PTPRK: variants seen among roughly 807,000 people sequenced by gnomAD.
The protein encoded by PTPRK is protein tyrosine phosphatase receptor type K.
In PTPRK, 75 loss-of-function variants were observed where a neutral mutation model predicts 178.0. The observed-to-expected ratio is 0.42, with a 90% confidence interval of 0.35 to 0.51. The LOEUF (loss-of-function observed/expected upper bound fraction) is 0.51, where lower values mean the gene tolerates loss of function less well. Ranked by LOEUF, PTPRK falls within the 20% of genes least tolerant of loss-of-function variation. The pLI is 0.02. For synonymous variants in PTPRK, 637 were observed against 620.6 expected (o/e 1.03, Z -0.39); for missense variants, 1,441 against 1,797.8 (o/e 0.80, Z 3.59).
intron 2 of PTPRK, among the ~76,000 whole-genome samples, chr6:128,375,061 T>TC (rs1836840446): frequency 1.2e-5 from 1 of 83,986 alleles, no homozygotes; most frequent in Non-Finnish European, 2.4e-5. Context: ...AACACTGCAT[T>TC]ATTATTATTA....
intron 1 of PTPRK, among the ~76,000 whole-genome samples, chr6:128,441,290 C>T (rs1846249512): frequency 6.6e-6 from 1 of 152,102 alleles, no homozygotes; most frequent in African/African-American, 2.4e-5. Flanking sequence ...TAAGGAGACT[C>T]AGTCACCCAA....
intron 12 of PTPRK, among the ~76,000 whole-genome samples, chr6:128,066,646 T>C (rs1781812480): frequency 6.6e-6 from 1 of 152,130 alleles, no homozygotes; most frequent in South Asian, 2.1e-4. Context: ...TATTGGATTT[T>C]AAATTGTGAA....
intron 13 of PTPRK, among the ~76,000 whole-genome samples, chr6:128,029,598 A>G (rs1774926219): frequency 6.6e-6 from 1 of 150,632 alleles, no homozygotes; most frequent in African/African-American, 2.4e-5. Context: ...TGTAGTGCCA[A>G]TGCACTCCAG....
rs559585767 is a variant in PTPRK at position 128,219,054 on chromosome 6, T to C, written c.736A>G (p.Ile246Val). 3.1e-6 allele frequency: 5 copies of C among 1,614,080 alleles called. No individual in the cohort carries two copies. The South Asian group carries it at 4.4e-5, about 14-fold the overall frequency. ...EDIPVAQTKNINHRRFAASFR... is the reference protein window; with the variant it reads ...EDIPVAQTKNVNHRRFAASFR... ...GAAGCGGCAAACCTTCTATGATTGATGTTCTTAGTCTGGGCTACTGGTATA... is the reference window on the plus strand; with the variant it reads ...GAAGCGGCAAACCTTCTATGATTGACGTTCTTAGTCTGGGCTACTGGTATA... The change falls in exon 6 of 30, where the codon ATC (isoleucine) becomes GTC (valine). Residue 246 changes from isoleucine (I) to valine (V), a missense_variant. Transcript: ENST00000368226.
intron 13 of PTPRK, among the ~76,000 whole-genome samples, chr6:128,035,473 T>C (rs1329356947): frequency 6.6e-6 from 1 of 152,172 alleles, no homozygotes; most frequent in African/African-American, 2.4e-5. Context: ...AACGACAACA[T>C]GGTAATGATA....
intron 2 of PTPRK, among the ~76,000 whole-genome samples, chr6:128,335,066 C>T (rs560203382): frequency 6.6e-6 from 1 of 152,026 alleles, no homozygotes; most frequent in Non-Finnish European, 1.5e-5. Flanking sequence ...TCAGCCTGGG[C>T]GACAGAGTGA....
chr6:128,445,746 T>C (rs1052292628), intron 1 of PTPRK, among the ~76,000 whole-genome samples: 1 of 152,174 alleles, frequency 6.6e-6, no homozygotes, highest in African/African-American at 2.4e-5. Context: ...TATAGCTGTA[T>C]GACCAGGTAA....
chr6:128,049,852 A>G (rs1778695236), intron 13 of PTPRK, among the ~76,000 whole-genome samples: 2 of 152,160 alleles, frequency 1.3e-5, no homozygotes, highest in Admixed American at 6.5e-5. Context: ...ATATACAAAG[A>G]TAGGCCAGGT....
At chr6:127,979,697 C>G (rs937277128) in intron 25 of PTPRK, among the ~76,000 whole-genome samples, 1 of 152,036 alleles carries the variant, frequency 6.6e-6, no homozygotes, top group African/African-American at 2.4e-5. Context: ...GAAGACTACT[C>G]GTAGAAACAG....
At chr6:128,299,287 C>T (rs1173155568) in intron 3 of PTPRK, among the ~76,000 whole-genome samples, 1 of 131,058 alleles carries the variant, frequency 7.6e-6, no homozygotes, top group Non-Finnish European at 1.6e-5. Context: ...TGAAAATGGC[C>T]ATACTGCCCA....
rs1797822636 is a variant in PTPRK at position 128,155,407 on chromosome 6, G to A, written c.1162+29025C>T. On this transcript the variant is annotated intron_variant, in intron 7 of 29. Transcript: ENST00000368226. ...TTATTCATTAGTTGGAATAAATACA[G>A]GGAGGCTTCACTCTTCAGCTATTTA... Among the ~76,000 whole-genome samples the A allele has an allele frequency of 2.6e-5, 4 of 151,582 alleles. No individual in the cohort carries two copies. In the South Asian group the frequency reaches 8.3e-4, roughly 32 times the overall value.
intron 3 of PTPRK, among the ~76,000 whole-genome samples, chr6:128,269,009 A>C (rs1277744707): frequency 6.6e-6 from 1 of 152,040 alleles, no homozygotes; most frequent in Non-Finnish European, 1.5e-5. Context: ...CCTGAAGGGA[A>C]TAATTATTAG....
chr6:128,493,659 C>G (rs1854236601), intron 1 of PTPRK, among the ~76,000 whole-genome samples: 1 of 143,684 alleles, frequency 7.0e-6, no homozygotes, highest in African/African-American at 2.6e-5. Flanking sequence ...AACAACTATA[C>G]TTATACTGTG....
intron 7 of PTPRK, among the ~76,000 whole-genome samples, chr6:128,179,030 C>A (rs959341162): frequency 1.3e-5 from 2 of 151,908 alleles, no homozygotes; most frequent in African/African-American, 4.8e-5. Context: ...CACCTGCCAG[C>A]CTCAGTTCTA....
rs557234309 is a variant in PTPRK, at chr6:128,206,692, G to A, written c.868+12230C>T. On this transcript the variant is annotated intron_variant, in intron 6 of 29. Transcript: ENST00000368226. ...TATAATACCATAGGCACAAAATGAT[G>A]AAAGGTCACTGATGTATTGCCAACT... Among the ~76,000 whole-genome samples, 6 of 152,170 alleles carry A rather than the reference G, an allele frequency of 3.9e-5. No individual in the cohort carries two copies. The South Asian group carries it at 1.2e-3, about 32-fold the overall frequency.
At chr6:128,094,120 C>A (rs17760864) in intron 7 of PTPRK, among the ~76,000 whole-genome samples, 3,968 of 152,064 alleles carry the variant, frequency 0.026, 79 homozygotes, top group Middle Eastern at 0.092. Context: ...GGTTGCTGTA[C>A]AAGTATCATA....
At chr6:128,225,335 T>A (rs1811095912) in intron 5 of PTPRK, among the ~76,000 whole-genome samples, 1 of 152,142 alleles carries the variant, frequency 6.6e-6, no homozygotes, top group Non-Finnish European at 1.5e-5. Context: ...GATATTTAGG[T>A]CCCTGTTGAA....
At chr6:127,986,425 A>G (rs184068290) in intron 21 of PTPRK, among the ~76,000 whole-genome samples, 54 of 152,286 alleles carry the variant, frequency 3.5e-4, no homozygotes, top group Middle Eastern at 6.8e-3. Flanking sequence ...TGGGCAAACT[A>G]TTTTTCTTAG....
intron 15 of PTPRK, 42 bp downstream of exon 15, chr6:128,005,042 G>C: frequency 6.5e-7 from 1 of 1,529,324 alleles, no homozygotes; most frequent in Non-Finnish European, 8.9e-7. Context: ...AAAGTGAAAT[G>C]AGTTGTAACA....
Sources: gnomAD v4.1 joint callset for allele counts (sites outside exome capture counted in the v4.1 genomes callset) on GRCh38, gnomAD v4.1.1 for gene constraint, MANE v1.5 for transcripts, NCBI Gene and HGNC (gene_info 2026-07-23, HGNC 2026-07-21) for gene names.